The following IL1RAPL1 variants were observed in gnomAD, a reference collection of about 807,000 sequenced individuals.
IL1RAPL1 encodes interleukin 1 receptor accessory protein like 1.
A neutral mutation model predicts 48.4 loss-of-function variants in IL1RAPL1; 3 were observed. That is an observed-to-expected ratio of 0.06 (90% CI 0.03 to 0.16). The LOEUF is 0.16. IL1RAPL1 is among the 10% of genes least tolerant of loss of function. The pLI, the probability that IL1RAPL1 is intolerant of heterozygous loss-of-function variation, is 1.00. For synonymous variants in IL1RAPL1, 185 were observed against 187.7 expected (o/e 0.99, Z 0.12); for missense variants, 349 against 530.6 (o/e 0.66, Z 3.36).
At chrX:29,560,658 T>C (rs1922162063) in intron 5 of IL1RAPL1, among the ~76,000 whole-genome samples, 1 of 112,341 alleles carries the variant, frequency 8.9e-6, no homozygotes, top group Admixed American at 9.4e-5. Context: ...CTGCTATTTA[T>C]GCTGTTCATT....
At chrX:28,827,999 C>T (rs925368370) in intron 2 of IL1RAPL1, among the ~76,000 whole-genome samples, 2 of 111,671 alleles carry the variant, frequency 1.8e-5, no homozygotes, top group African/African-American at 6.5e-5. Flanking sequence ...CACTAGTTTA[C>T]TCTTCTTTTT....
chrX:29,187,477 G>A (rs1057475092), intron 2 of IL1RAPL1, among the ~76,000 whole-genome samples: 1 of 111,137 alleles, frequency 9.0e-6, no homozygotes, highest in Non-Finnish European at 1.9e-5. Context: ...GTCAGATGAC[G>A]CCTGTTTGTA....
chrX:29,443,507 A>G (rs1934574121), intron 5 of IL1RAPL1, among the ~76,000 whole-genome samples: 1 of 111,165 alleles, frequency 9.0e-6, no homozygotes, highest in Non-Finnish European at 1.9e-5. Context: ...CAAAAGAGGA[A>G]TTTCTGAACA....
intron 2 of IL1RAPL1, among the ~76,000 whole-genome samples, chrX:28,956,208 G>C (rs1312620407): frequency 1.3e-4 from 14 of 108,111 alleles, no homozygotes; most frequent in South Asian, 1.3e-3. Flanking sequence ...CATCTGCAAA[G>C]AGGGACAATT....
At chrX:29,783,851 A>G (rs7473222) in intron 6 of IL1RAPL1, among the ~76,000 whole-genome samples, 15 of 112,477 alleles carry the variant, frequency 1.3e-4, no homozygotes, top group Non-Finnish European at 2.6e-4. Flanking sequence ...AAAAATAAGT[A>G]AGAACAAAAC....
At chrX:29,800,471 A>G (rs1929847324) in intron 6 of IL1RAPL1, among the ~76,000 whole-genome samples, 1 of 104,031 alleles carries the variant, frequency 9.6e-6, no homozygotes, top group East Asian at 3.0e-4. Context: ...TTCTTTCTGT[A>G]TTATAGGAGA....
In IL1RAPL1 at chrX:29,650,308, A is replaced by G. The variant is rs1000870666; in HGVS notation, c.704-18122A>G. 1.1e-4 allele frequency among the ~76,000 whole-genome samples: 12 copies of G among 112,069 alleles called. No individual in the cohort carries two copies. In the Admixed American group the frequency reaches 1.1e-3, roughly 11 times the overall value. On this transcript the variant is annotated intron_variant, in intron 5 of 10. Transcript: ENST00000378993. ...GGTTTTATAAACTGCAAAAGACACA[A>G]AAGAGCCAATGCAATCTTGAGCAAA...
chrX:28,875,024 T>C (rs192691738), intron 2 of IL1RAPL1, among the ~76,000 whole-genome samples: 1 of 112,167 alleles, frequency 8.9e-6, no homozygotes, highest in African/African-American at 3.2e-5. Context: ...GATGGTAATA[T>C]TCTCATAGAT....
At chrX:29,176,004 G>C (rs773487271) in intron 2 of IL1RAPL1, among the ~76,000 whole-genome samples, 45 of 109,570 alleles carry the variant, frequency 4.1e-4, no homozygotes, top group Non-Finnish European at 7.0e-4. Flanking sequence ...AATTAGCTAG[G>C]GAGCTGGTTA....
intron 6 of IL1RAPL1, among the ~76,000 whole-genome samples, chrX:29,745,204 A>C (rs2147137904): frequency 9.0e-6 from 1 of 110,907 alleles, no homozygotes; most frequent in East Asian, 2.8e-4. Context: ...ACACATGCTA[A>C]ATGCTGGGAA....
intron 1 of IL1RAPL1, among the ~76,000 whole-genome samples, chrX:28,777,589 C>T (rs58067913): frequency 0.01 from 1,143 of 111,621 alleles, 19 homozygotes; most frequent in African/African-American, 0.035. Context: ...TTCCTTGAAG[C>T]TTCAGTGGTC....
At chrX:29,025,672 A>G (rs1331727679) in intron 2 of IL1RAPL1, among the ~76,000 whole-genome samples, 1 of 112,040 alleles carries the variant, frequency 8.9e-6, no homozygotes, top group Non-Finnish European at 1.9e-5. Flanking sequence ...AATCAGAATC[A>G]AATTTTTGTA....
chrX:29,291,462 T>C (rs910963157), intron 3 of IL1RAPL1, among the ~76,000 whole-genome samples: 18 of 111,384 alleles, frequency 1.6e-4, no homozygotes, highest in South Asian at 3.8e-4. Context: ...ACGTGCAGGT[T>C]TGTTACATAG....
chrX:29,869,131 A>G (rs1931754596), intron 6 of IL1RAPL1, among the ~76,000 whole-genome samples: 1 of 112,481 alleles, frequency 8.9e-6, no homozygotes, highest in South Asian at 3.6e-4. Context: ...CTGGAATTTT[A>G]AAGTAATAAT....
chrX:29,701,010 A>G (rs1160092043), intron 6 of IL1RAPL1, among the ~76,000 whole-genome samples: 2 of 112,135 alleles, frequency 1.8e-5, no homozygotes, highest in Non-Finnish European at 3.8e-5. Flanking sequence ...ACTTTCAGGA[A>G]CTTTGATTAC....
At chrX:29,429,927 A>AT (rs1174915637) in intron 5 of IL1RAPL1, among the ~76,000 whole-genome samples, 31 of 50,399 alleles carry the variant, frequency 6.2e-4, no homozygotes, top group Middle Eastern at 8.6e-3. Flanking sequence ...GTGTGTGTGT[A>AT]TTTTTTTTTT....
intron 2 of IL1RAPL1, among the ~76,000 whole-genome samples, chrX:29,143,957 G>A (rs1209932060): frequency 8.9e-6 from 1 of 111,787 alleles, no homozygotes; most frequent in Non-Finnish European, 1.9e-5. Flanking sequence ...GAGCTCTTGA[G>A]TATGAATATC....
chrX:29,808,768 A>C, intron 6 of IL1RAPL1, among the ~76,000 whole-genome samples: 1 of 111,171 alleles, frequency 9.0e-6, no homozygotes, highest in Non-Finnish European at 1.9e-5. Flanking sequence ...TCTTCAGTAC[A>C]CCTTTCTGGT....
chrX:29,284,730 G>A (rs973101583), intron 3 of IL1RAPL1, among the ~76,000 whole-genome samples: 10 of 112,124 alleles, frequency 8.9e-5, no homozygotes, highest in African/African-American at 2.9e-4. Context: ...GGGCAACAGA[G>A]CGAGACTCTG....
Sources: allele counts gnomAD v4.1 joint callset (sites outside exome capture counted in the v4.1 genomes callset), GRCh38; gene constraint gnomAD v4.1.1; transcripts MANE v1.5; gene names NCBI Gene and HGNC (gene_info 2026-07-23, HGNC 2026-07-21).